Variants in SRP54 observed in about 807,000 individuals in gnomAD.
SRP54 encodes the protein signal recognition particle 54, also known as signal recognition particle subunit SRP54.
Under a neutral mutation model 64.8 loss-of-function variants are expected in SRP54, and 10 were observed. The observed-to-expected ratio is 0.15, with a 90% confidence interval of 0.10 to 0.26. The LOEUF is 0.26. Among genes scored for constraint, SRP54 ranks in the 10% least tolerant of loss-of-function variants. The pLI, the probability that SRP54 is intolerant of heterozygous loss-of-function variation, is 1.00. For synonymous variants in SRP54, 193 were observed against 185.6 expected, an observed-to-expected ratio of 1.04 and a Z score of -0.32; for missense variants, 325 against 613.7, an observed-to-expected ratio of 0.53 and a Z score of 4.97.
chr14:35,020,315 T>C (rs774387986), intron 13 of SRP54, among the ~76,000 whole-genome samples: 9 of 152,200 alleles, frequency 5.9e-5, no homozygotes, highest in Non-Finnish European at 1.3e-4. Context: ...CTGATTACAG[T>C]GATGGTTGCC....
chr14:34,983,363 T>TCC, intron 1 of SRP54, 148 bp downstream of exon 1: 1 of 110,612 alleles, frequency 9.0e-6, no homozygotes, highest in African/African-American at 2.8e-5. Context: ...TGGCTCTTTA[T>TCC]CTCGTCTTCC....
chr14:35,005,736 C>G (rs1208848515), intron 4 of SRP54, among the ~76,000 whole-genome samples: 1 of 152,172 alleles, frequency 6.6e-6, no homozygotes, highest in Non-Finnish European at 1.5e-5. Flanking sequence ...TTTACCAACC[C>G]CTGATCTAGG....
chr14:35,013,515 T>C, intron 9 of SRP54, 21 bp downstream of exon 9: 1 of 1,608,512 alleles, frequency 6.2e-7, no homozygotes, highest in Non-Finnish European at 8.5e-7. Context: ...TTGATACTGT[T>C]GTCCTCTGTC....
intron 13 of SRP54, among the ~76,000 whole-genome samples, chr14:35,020,787 T>A (rs548867802): frequency 7.9e-5 from 12 of 152,328 alleles, no homozygotes; most frequent in African/African-American, 2.6e-4. Context: ...AATATATTAA[T>A]TCATTTTATC....
At chr14:35,028,989 A>G (rs2044679621) in intron 15 of SRP54, 72 bp from the exon 16 acceptor site, 26 of 1,270,606 alleles carry the variant, frequency 2.0e-5, no homozygotes, top group Non-Finnish European at 2.3e-5. Flanking sequence ...TTATTAGGCA[A>G]AAGTAATAAA....
At chr14:35,024,382 A>G (rs1047554186) in intron 14 of SRP54, among the ~76,000 whole-genome samples, 5 of 152,138 alleles carry the variant, frequency 3.3e-5, no homozygotes, top group African/African-American at 1.2e-4. Context: ...TTACATTATT[A>G]AGTTTAACAT....
chr14:35,000,527 A>T (rs1223093589), intron 3 of SRP54, among the ~76,000 whole-genome samples: 1 of 151,626 alleles, frequency 6.6e-6, no homozygotes, highest in African/African-American at 2.4e-5. Flanking sequence ...AGATCATGCC[A>T]CTGCACTCCA....
At chr14:35,022,781 GA>G in intron 13 of SRP54, 128 bp from the exon 14 acceptor site, 2 of 627,666 alleles carry the variant, frequency 3.2e-6, no homozygotes, top group South Asian at 5.5e-5. Flanking sequence ...AATATAAAAA[GA>G]AAAATGAGAT....
chr14:34,985,367 T>C (rs1220713470), intron 1 of SRP54, among the ~76,000 whole-genome samples: 1 of 152,234 alleles, frequency 6.6e-6, no homozygotes, highest in Non-Finnish European at 1.5e-5. Flanking sequence ...TTCCATTCAT[T>C]GGTTAATGGC....
At chr14:34,987,242 A>AT (rs1385986595) in intron 1 of SRP54, among the ~76,000 whole-genome samples, 162 of 66,192 alleles carry the variant, frequency 2.4e-3, no homozygotes, top group African/African-American at 6.3e-3. Context: ...AAAAAAAAAA[A>AT]AAAAATATAT....
intron 13 of SRP54, among the ~76,000 whole-genome samples, chr14:35,021,811 C>G (rs567680170): frequency 6.6e-6 from 1 of 152,174 alleles, no homozygotes; most frequent in South Asian, 2.1e-4. Context: ...GGTCATCTCT[C>G]CTGGGGATAT....
chr14:35,014,127 G>C (rs764756254), intron 10 of SRP54, among the ~76,000 whole-genome samples: 8 of 152,054 alleles, frequency 5.3e-5, no homozygotes, highest in Non-Finnish European at 7.4e-5. Flanking sequence ...TTAGAGCACA[G>C]TACAAAAACA....
chr14:35,028,473 T>C (rs1470456454), intron 15 of SRP54, among the ~76,000 whole-genome samples: 5 of 152,228 alleles, frequency 3.3e-5, no homozygotes, highest in African/African-American at 9.6e-5. Flanking sequence ...TTTTTACTTA[T>C]ATGACTGAGG....
intron 1 of SRP54, among the ~76,000 whole-genome samples, chr14:34,992,498 A>G (rs1158917349): frequency 6.6e-6 from 1 of 152,192 alleles, no homozygotes; most frequent in Non-Finnish European, 1.5e-5. Context: ...AGCAACATGG[A>G]TGGAGCAGGA....
chr14:35,025,548 T>C (rs947842512), intron 14 of SRP54, among the ~76,000 whole-genome samples: 1 of 152,220 alleles, frequency 6.6e-6, no homozygotes, highest in African/African-American at 2.4e-5. Context: ...ATCTTATCTA[T>C]GCATTGATCC....
At chr14:35,000,379 A>G (rs1024911103) in intron 3 of SRP54, among the ~76,000 whole-genome samples, 2 of 152,092 alleles carry the variant, frequency 1.3e-5, no homozygotes, top group Admixed American at 1.3e-4. Context: ...CAGCCTGGCC[A>G]ACATGGTGAA....
At chr14:34,998,063 C>T (rs1566644959) in intron 2 of SRP54, among the ~76,000 whole-genome samples, 1 of 151,956 alleles carries the variant, frequency 6.6e-6, no homozygotes, top group South Asian at 2.1e-4. Flanking sequence ...GGAGAAAGCC[C>T]TCTAGTGAAA....
intron 5 of SRP54, 64 bp downstream of exon 5, chr14:35,007,451 T>A (rs1017795051): frequency 2.1e-6 from 2 of 956,726 alleles, no homozygotes; most frequent in South Asian, 2.8e-5. Context: ...TCAAGTTTTG[T>A]ATTTAATATA....
At chr14:35,028,977 A>G in intron 15 of SRP54, 84 bp from the exon 16 acceptor site, 1 of 1,105,404 alleles carries the variant, frequency 9.0e-7, no homozygotes. Flanking sequence ...TTTTAGAAGT[A>G]CTTATTAGGC....
Sources: allele counts gnomAD v4.1 joint callset (sites outside exome capture counted in the v4.1 genomes callset), GRCh38; gene constraint gnomAD v4.1.1; transcripts MANE v1.5; gene names NCBI Gene and HGNC (gene_info 2026-07-23, HGNC 2026-07-21).